RP1: variants seen among roughly 807,000 people sequenced by gnomAD.
RP1 encodes the protein RP1 axonemal microtubule associated.
A neutral mutation model predicts 14.8 loss-of-function variants in RP1; 16 were observed. The observed-to-expected ratio is 1.08, with a 90% CI of 0.73 to 1.65. The LOEUF (loss-of-function observed/expected upper bound fraction) is 1.65, where lower values mean the gene tolerates loss of function less well. Ranked by LOEUF, RP1 falls within the 40% of genes most tolerant of loss-of-function variation. The probability of loss-of-function intolerance (pLI) is 0.00; values close to 1 mark genes in which losing one functional copy is unlikely to be tolerated. For missense variants in RP1, 2,631 were observed against 2,535.0 expected (o/e 1.04, Z -0.81); for synonymous variants, 876 against 883.6 (o/e 0.99, Z 0.15).
At chr8:54,587,776 AC>A (rs577599540) in intron 1 of RP1, among the ~76,000 whole-genome samples, 20 of 152,296 alleles carry the variant, frequency 1.3e-4, no homozygotes, top group African/African-American at 4.6e-4. Flanking sequence ...TGAACTGATG[AC>A]TTTTTCTATT....
intron 24 of RP1, among the ~76,000 whole-genome samples, chr8:54,818,395 A>G (rs1243852315): frequency 6.6e-6 from 1 of 152,224 alleles, no homozygotes; most frequent in Non-Finnish European, 1.5e-5. Context: ...ACTTCCATCA[A>G]CCCTAAGAGA....
chr8:54,754,759 A>G, intron 19 of RP1: 2 of 1,463,638 alleles, frequency 1.4e-6, no homozygotes. Context: ...TTCTTTGAGA[A>G]ATTGGAGATG....
At chr8:54,793,664 G>T (rs1408211084) in intron 24 of RP1, among the ~76,000 whole-genome samples, 1 of 151,870 alleles carries the variant, frequency 6.6e-6, no homozygotes, top group African/African-American at 2.4e-5. Flanking sequence ...ATTTAATATA[G>T]AAGGAATGTA....
intron 24 of RP1, among the ~76,000 whole-genome samples, chr8:54,800,167 T>C (rs982330543): frequency 1.3e-5 from 2 of 152,144 alleles, no homozygotes; most frequent in Non-Finnish European, 2.9e-5. Flanking sequence ...GTCAATTTAT[T>C]GTCTTCTCTT....
chr8:54,750,382 T>C (rs750689231), intron 19 of RP1, among the ~76,000 whole-genome samples: 1 of 152,206 alleles, frequency 6.6e-6, no homozygotes, highest in Non-Finnish European at 1.5e-5. Flanking sequence ...AGCTAGCATG[T>C]GGATCTGGAA....
chr8:54,733,312 A>G (rs1009522435), intron 17 of RP1, among the ~76,000 whole-genome samples: 1 of 152,174 alleles, frequency 6.6e-6, no homozygotes. Flanking sequence ...CATATGAAAC[A>G]TGCAACACAG....
At chr8:54,586,947 T>G (rs1804942867) in intron 1 of RP1, among the ~76,000 whole-genome samples, 1 of 152,230 alleles carries the variant, frequency 6.6e-6, no homozygotes, top group South Asian at 2.1e-4. Context: ...GCTTCCTGGG[T>G]GAGGCAATGC....
At chr8:54,837,271 A>G (rs1498173) in intron 24 of RP1, among the ~76,000 whole-genome samples, 46,158 of 152,102 alleles carry the variant, frequency 0.3, 7,209 homozygotes, top group South Asian at 0.37. Context: ...TCCATGGTCA[A>G]TGGATACATG....
chr8:54,800,186 T>G (rs545188174), intron 24 of RP1, among the ~76,000 whole-genome samples: 2 of 152,264 alleles, frequency 1.3e-5, no homozygotes, highest in Non-Finnish European at 2.9e-5. Context: ...TTTGCATTTA[T>G]TCCAAAAAGA....
At chr8:54,713,294 G>C (rs1808333806) in intron 15 of RP1, among the ~76,000 whole-genome samples, 1 of 152,088 alleles carries the variant, frequency 6.6e-6, no homozygotes, top group African/African-American at 2.4e-5. Flanking sequence ...CGAAATTCAG[G>C]TTAGTAACAA....
intron 3 of RP1, among the ~76,000 whole-genome samples, chr8:54,638,417 GAC>G (rs567063641): frequency 5.1e-4 from 72 of 140,510 alleles, no homozygotes; most frequent in African/African-American, 1.8e-3. Flanking sequence ...CAGCCTGGGC[GAC>G]AGAGTGAGAC....
intron 24 of RP1, among the ~76,000 whole-genome samples, chr8:54,810,993 G>A (rs1265850142): frequency 1.3e-5 from 2 of 152,186 alleles, no homozygotes; most frequent in Non-Finnish European, 2.9e-5. Flanking sequence ...TAAATGCTGT[G>A]AAGTATAGTT....
chr8:54,635,136 T>G (rs189035948), downstream of RP1, among the ~76,000 whole-genome samples: 4 of 152,280 alleles, frequency 2.6e-5, no homozygotes, highest in African/African-American at 9.6e-5. Flanking sequence ...CAATGGGAAT[T>G]CTTTCTAAAG....
rs547697628 is a variant in RP1, at chr8:54,680,883, G to A, written c.1717+950G>A. On this transcript the variant is annotated intron_variant, in intron 12 of 22. Transcript: ENST00000636932. ...TGAGGCAGGAGAATGGTGTGAACCC[G>A]GAGGGTGGAGCTTGCAGTGAGCCGA... Among the ~76,000 whole-genome samples the A allele has an allele frequency of 1.4e-3, 208 of 151,988 alleles. 1 individual carries two copies. Among genetic ancestry groups the A allele is most frequent in the South Asian group, 9.4e-3 (45 of 4,802 alleles).
chr8:54,661,343 G>A (rs1431494715), intron 6 of RP1, among the ~76,000 whole-genome samples: 1 of 92,692 alleles, frequency 1.1e-5, no homozygotes, highest in Non-Finnish European at 2.3e-5. Context: ...GCTGGGCATG[G>A]TAGCACATGC....
At chr8:54,778,747 C>A (rs1270179863) in intron 23 of RP1, among the ~76,000 whole-genome samples, 2 of 152,126 alleles carry the variant, frequency 1.3e-5, no homozygotes, top group Non-Finnish European at 2.9e-5. Context: ...AAGAAAGGAG[C>A]CTTTTAGGAT....
chr8:54,722,586 C>T (rs1808563234), intron 16 of RP1, among the ~76,000 whole-genome samples: 2 of 152,016 alleles, frequency 1.3e-5, no homozygotes, highest in South Asian at 4.2e-4. Context: ...CTACACTATG[C>T]CAAAAAAGTT....
intron 14 of RP1, among the ~76,000 whole-genome samples, chr8:54,703,135 C>T (rs928469695): frequency 6.6e-6 from 1 of 152,138 alleles, no homozygotes; most frequent in Non-Finnish European, 1.5e-5. Flanking sequence ...CATAGTTGTT[C>T]TTAATGGCAT....
At chr8:54,720,029 T>A in intron 15 of RP1, 1 of 990,656 alleles carries the variant, frequency 1.0e-6, no homozygotes, top group Non-Finnish European at 1.4e-6. Flanking sequence ...TCATAGTGAT[T>A]CGAAACGAGA....
Sources: gnomAD v4.1 joint callset for allele counts (sites outside exome capture counted in the v4.1 genomes callset) on GRCh38, gnomAD v4.1.1 for gene constraint, MANE v1.5 for transcripts, NCBI Gene and HGNC (gene_info 2026-07-23, HGNC 2026-07-21) for gene names.